The following FRMPD4 variants were observed in gnomAD, a reference collection of about 807,000 sequenced individuals.
The protein encoded by FRMPD4 is FERM and PDZ domain containing 4.
Under a neutral mutation model 94.1 loss-of-function variants are expected in FRMPD4, and 22 were observed. That is an observed-to-expected ratio of 0.23 (90% CI 0.17 to 0.33). The LOEUF is 0.33. FRMPD4 is among the 10% of genes least tolerant of loss of function. FRMPD4 has a pLI of 1.00. For synonymous variants in FRMPD4, 631 were observed against 548.6 expected (o/e 1.15, Z -2.10); for missense variants, 1,111 against 1,339.9 (o/e 0.83, Z 2.67).
intron 1 of FRMPD4, among the ~76,000 whole-genome samples, chrX:11,864,091 G>T (rs768436341): frequency 9.0e-6 from 1 of 111,068 alleles, no homozygotes; most frequent in East Asian, 2.8e-4. Context: ...TGACTTTGCT[G>T]CAGGTGCTAT....
intron 4 of FRMPD4, among the ~76,000 whole-genome samples, chrX:12,668,890 C>T: frequency 9.0e-6 from 1 of 111,540 alleles, no homozygotes; most frequent in Non-Finnish European, 1.9e-5. Flanking sequence ...CAGGCATGAG[C>T]AACTGCACCC....
chrX:12,274,914 C>T (rs917035985), intron 1 of FRMPD4, among the ~76,000 whole-genome samples: 7 of 111,952 alleles, frequency 6.3e-5, no homozygotes, highest in African/African-American at 2.3e-4. Flanking sequence ...GAGGCTGAGG[C>T]AGGAGAATGG....
intron 3 of FRMPD4, among the ~76,000 whole-genome samples, chrX:12,009,700 T>A (rs1461933437): frequency 1.8e-5 from 2 of 111,576 alleles, no homozygotes; most frequent in African/African-American, 6.5e-5. Flanking sequence ...AGCTTTAAAA[T>A]GTTGGATGAA....
chrX:12,108,260 G>A (rs1266252500), intron 3 of FRMPD4, among the ~76,000 whole-genome samples: 1 of 111,518 alleles, frequency 9.0e-6, no homozygotes, highest in East Asian at 2.8e-4. Context: ...GAGAGTGGGG[G>A]CCAATATTCA....
intron 3 of FRMPD4, among the ~76,000 whole-genome samples, chrX:12,105,959 T>C (rs1282499323): frequency 8.9e-6 from 1 of 112,108 alleles, no homozygotes; most frequent in Non-Finnish European, 1.9e-5. Context: ...AATTATTTTG[T>C]AAGACACTTC....
intron 1 of FRMPD4, among the ~76,000 whole-genome samples, chrX:12,272,339 C>T (rs372510022): frequency 9.0e-6 from 1 of 110,936 alleles, no homozygotes; most frequent in East Asian, 2.8e-4. Flanking sequence ...TGTTGGTATT[C>T]GCATTTGTAT....
intron 2 of FRMPD4, among the ~76,000 whole-genome samples, chrX:12,576,456 G>A (rs2058812759): frequency 8.9e-6 from 1 of 112,689 alleles, no homozygotes; most frequent in Non-Finnish European, 1.9e-5. Context: ...TCTGTCCAGA[G>A]AAATTTATAT....
intron 3 of FRMPD4, among the ~76,000 whole-genome samples, chrX:11,972,434 T>C (rs2147381792): frequency 8.9e-6 from 1 of 112,389 alleles, no homozygotes; most frequent in African/African-American, 3.2e-5. Flanking sequence ...TGGAGGACTT[T>C]CCATTAGAAT....
At chrX:11,890,894 C>T (rs1234814532) in intron 3 of FRMPD4, among the ~76,000 whole-genome samples, 1 of 112,142 alleles carries the variant, frequency 8.9e-6, no homozygotes, top group Admixed American at 9.4e-5. Context: ...GAAGCCTTCC[C>T]ACTCCCAGTT....
chrX:12,091,109 C>A (rs1376700992), intron 3 of FRMPD4, among the ~76,000 whole-genome samples: 1 of 112,320 alleles, frequency 8.9e-6, no homozygotes, highest in Non-Finnish European at 1.9e-5. Context: ...CACATCACAT[C>A]ACATGTCTTT....
chrX:12,016,433 T>A (rs747785923), intron 3 of FRMPD4, among the ~76,000 whole-genome samples: 77 of 111,805 alleles, frequency 6.9e-4, no homozygotes, highest in African/African-American at 2.1e-3. Flanking sequence ...CTGTCTTTTT[T>A]AAAAAAAATA....
intron 1 of FRMPD4, among the ~76,000 whole-genome samples, chrX:12,440,703 AG>A (rs1009823783): frequency 1.0e-4 from 11 of 107,459 alleles, no homozygotes; most frequent in Non-Finnish European, 1.2e-4. Context: ...GGGACTTGGG[AG>A]GGGGGGGAGC....
chrX:12,335,613 G>A (rs886649154), intron 1 of FRMPD4, among the ~76,000 whole-genome samples: 19 of 111,285 alleles, frequency 1.7e-4, no homozygotes, highest in South Asian at 7.7e-4. Context: ...CCACTGAGAT[G>A]CTTTCACTAT....
chrX:12,230,879 AATATATACT>A, intron 1 of FRMPD4, among the ~76,000 whole-genome samples: 1 of 89,333 alleles, frequency 1.1e-5, no homozygotes, highest in Non-Finnish European at 2.1e-5. Context: ...TATATATAAT[AATATATACT>A]ATATATATAC....
At position 12,718,020 on chromosome X, in the gene FRMPD4, T is replaced by A. The variant is rs756043913; in HGVS notation, c.3194T>A (p.Phe1065Tyr). The A allele has an allele frequency of 5.8e-6, 7 of 1,211,776 alleles. No individual in the cohort carries two copies. Among genetic ancestry groups the A allele is most frequent in the Non-Finnish European group, 6.7e-6 (6 of 895,407 alleles). ...ATGGAGGAGGAGGCCAGTGGTAAATTTGGTACTGTGTCTTCACGAGACAGT... is the reference window on the plus strand; with the variant it reads ...ATGGAGGAGGAGGCCAGTGGTAAATATGGTACTGTGTCTTCACGAGACAGT... ...AEMEEEASGK[F>Y]GTVSSRDSQH... is the part of the protein sequence containing the mutation. Residue 1065 changes from phenylalanine (F) to tyrosine (Y), a missense_variant, in exon 16 of 17, where the codon TTT becomes TAT. Transcript: ENST00000675598.
intron 2 of FRMPD4, among the ~76,000 whole-genome samples, chrX:12,521,606 A>G (rs2058162473): frequency 8.9e-6 from 1 of 112,490 alleles, no homozygotes; most frequent in Admixed American, 9.4e-5. Context: ...TTGTTCTTCT[A>G]TTTTTGTTCA....
At chrX:12,659,220 C>G (rs1263041885) in intron 4 of FRMPD4, among the ~76,000 whole-genome samples, 2 of 112,572 alleles carry the variant, frequency 1.8e-5, no homozygotes, top group Non-Finnish European at 3.8e-5. Flanking sequence ...TAACTTGTCA[C>G]CTCTTAATGA....
intron 3 of FRMPD4, among the ~76,000 whole-genome samples, chrX:12,084,761 G>C (rs1057473668): frequency 6.2e-5 from 7 of 112,230 alleles, no homozygotes; most frequent in African/African-American, 2.3e-4. Context: ...TTGGTTGGAA[G>C]CTTTGGAAAG....
At chrX:11,912,095 C>T (rs750566760) in intron 3 of FRMPD4, among the ~76,000 whole-genome samples, 3 of 112,003 alleles carry the variant, frequency 2.7e-5, no homozygotes, top group Non-Finnish European at 5.6e-5. Flanking sequence ...GAAGCCCCAC[C>T]GAAGAAGAAC....
Sources: gnomAD v4.1 joint callset for allele counts (sites outside exome capture counted in the v4.1 genomes callset) on GRCh38, gnomAD v4.1.1 for gene constraint, MANE v1.5 for transcripts, NCBI Gene and HGNC (gene_info 2026-07-23, HGNC 2026-07-21) for gene names.